Variants in MXD4 observed in about 807,000 individuals in gnomAD.
MXD4 encodes MAX dimerization protein 4, also known as Mad4 homolog.
A neutral mutation model predicts 24.5 loss-of-function variants in MXD4; 16 were observed. The observed-to-expected ratio is 0.65, with a 90% CI of 0.44 to 0.99. The LOEUF is 0.99. MXD4 is among the 50% of genes least tolerant of loss of function. The pLI is 0.00. For missense variants in MXD4, 301 were observed against 301.5 expected (o/e 1.00, Z 0.01); for synonymous variants, 164 against 134.2 (o/e 1.22, Z -1.54).
At position 2,259,057 on chromosome 4, in the gene MXD4, G is replaced by A. The variant is rs138171113; in HGVS notation, c.165-1046C>T. 7.4e-4 allele frequency: 322 copies of A among 437,128 alleles called. 1 individual carries two copies. The highest frequency in any genetic ancestry group is 5.6e-3 in the African/African-American group (275 of 49,418). 27.1% of individuals were successfully genotyped at this position (437,128 alleles called of 1,614,324 possible). On this transcript the variant is annotated intron_variant, in intron 2 of 5. Transcript: ENST00000337190. Reference sequence around the variant, plus strand: ...GGGCTCCCGGGCCTCCCAGGATGCCGCTGCACAGGTGGGCAGAGAGCTCAG... The same window carrying A: ...GGGCTCCCGGGCCTCCCAGGATGCCACTGCACAGGTGGGCAGAGAGCTCAG...
In MXD4 at chr4:2,250,532, G is replaced by A. The variant is rs1253327115; in HGVS notation, c.*12C>T. 3.2e-6 allele frequency: 5 copies of A among 1,561,156 alleles called. No homozygotes were observed. Among genetic ancestry groups the A allele is most frequent in the Non-Finnish European group, 4.3e-6 (5 of 1,154,498 alleles). On this transcript the variant is annotated 3_prime_UTR_variant, in exon 6 of 6. Coordinates refer to ENST00000337190, the MANE Select transcript of MXD4 (RefSeq NM_006454.3). Reference sequence around the variant, plus strand: ...TGGCGGGCAGGCAGGCCAAGGAGCAGAGGGCACGGGCCTACGAGAGGGCGG... The same window carrying A: ...TGGCGGGCAGGCAGGCCAAGGAGCAAAGGGCACGGGCCTACGAGAGGGCGG...
Position 2,249,527 on chromosome 4 carries a change from G to A in MXD4, c.*1017C>T, listed in dbSNP as rs932134208. Reference sequence around the variant, plus strand: ...GAGCTCATGAGAAGCCCTTTCCTAAGGTGGCTCCAGGAGCCCTAACCGGGC... The same window carrying A: ...GAGCTCATGAGAAGCCCTTTCCTAAAGTGGCTCCAGGAGCCCTAACCGGGC... On this transcript the variant is annotated 3_prime_UTR_variant, in exon 6 of 6. Coordinates refer to ENST00000337190, the MANE Select transcript of MXD4 (RefSeq NM_006454.3). 1 of 151,948 alleles carries A rather than the reference G, an allele frequency of 6.6e-6. No homozygotes were observed. Among genetic ancestry groups the A allele is most frequent in the Non-Finnish European group, 1.5e-5 (1 of 67,976 alleles). The allele number at this position is 151,948 out of a possible 1,614,324, so 9.4% of individuals were successfully genotyped here.
rs1172248173 is a variant in MXD4 at position 2,249,428 on chromosome 4, GCTTT to G, written c.*1112_*1115del. ...ACGTCCCTAGGCCGAGAGTCTTTAGGCTTTCTTCTTTTTAAAAATGGTTTTTTTT... is the reference window on the plus strand; with the variant it reads ...ACGTCCCTAGGCCGAGAGTCTTTAGGCTTCTTTTTAAAAATGGTTTTTTTT... On this transcript the variant is annotated 3_prime_UTR_variant, in exon 6 of 6. Coordinates refer to ENST00000337190, the MANE Select transcript of MXD4 (RefSeq NM_006454.3). 6.6e-6 allele frequency: 1 copy of G among 151,228 alleles called. No individual in the cohort carries two copies. Among genetic ancestry groups the G allele is most frequent in the Non-Finnish European group, 1.5e-5 (1 of 67,986 alleles). 9.4% of individuals were successfully genotyped at this position (151,228 alleles called of 1,614,324 possible). A position where few individuals can be genotyped will look rare whatever the true frequency, so the allele number is the denominator to read the frequency against.
At chr4:2,252,678 G>A (rs1228595649) in intron 3 of MXD4, 156 bp from the exon 4 acceptor site, 18 of 573,602 alleles carry the variant, frequency 3.1e-5, no homozygotes, top group African/African-American at 6.0e-5. Flanking sequence ...GGGAACCCCC[G>A]TCCCCCACCC....
chr4:2,261,868 C>T (rs1463666461), intron 1 of MXD4, 44 bp from the exon 2 acceptor site: 3 of 1,387,820 alleles, frequency 2.2e-6, no homozygotes, highest in Non-Finnish European at 2.8e-6. Flanking sequence ...CCGGCACGGC[C>T]CCGCCGCCCG....
At position 2,249,339 on chromosome 4, in the gene MXD4, GCAA is replaced by G. The variant is rs1735263377; in HGVS notation, c.*1202_*1204del. On this transcript the variant is annotated 3_prime_UTR_variant, in exon 6 of 6. Coordinates refer to ENST00000337190, the MANE Select transcript of MXD4 (RefSeq NM_006454.3). ...CTCCCACCCCTCAGCAAACAAGGAC[GCAA>G]CAACAGCTAGGAAAATAGAATACAA... The G allele has an allele frequency of 6.6e-6, 1 of 152,628 alleles. No individual in the cohort carries two copies. The highest frequency in any genetic ancestry group is 1.5e-5 in the Non-Finnish European group (1 of 68,080). The allele number at this position is 152,628 out of a possible 1,614,324, so 9.5% of individuals were successfully genotyped here.
At position 2,250,711 on chromosome 4, in the gene MXD4, A is replaced by C; in HGVS notation, c.473-10T>G. ...CCCTCTATGTCCACTTCTAGGGAGA[A>C]TAGAGTGGGGATGGGGTCAGGCCAC... On this transcript the variant is annotated splice_polypyrimidine_tract_variant and intron_variant, in intron 5 of 5. Coordinates refer to ENST00000337190, the MANE Select transcript of MXD4 (RefSeq NM_006454.3). 6.2e-7 allele frequency: 1 copy of C among 1,611,440 alleles called. No individual in the cohort carries two copies. Among genetic ancestry groups the C allele is most frequent in the Non-Finnish European group, 8.5e-7 (1 of 1,178,636 alleles).
At chr4:2,258,714 G>A (rs1210814014) in intron 2 of MXD4, among the ~76,000 whole-genome samples, 1 of 152,250 alleles carries the variant, frequency 6.6e-6, no homozygotes, top group African/African-American at 2.4e-5. Flanking sequence ...GCGTCAGCCA[G>A]GTCAGCCCAT....
chr4:2,261,864 C>T, intron 1 of MXD4, 40 bp from the exon 2 acceptor site: 2 of 1,377,482 alleles, frequency 1.5e-6, no homozygotes, highest in Non-Finnish European at 9.4e-7. Context: ...CCGCCCGGCA[C>T]GGCCCCGCCG....
At chr4:2,252,295 T>C (rs1735339004) in intron 4 of MXD4, 113 bp downstream of exon 4, 7 of 856,716 alleles carry the variant, frequency 8.2e-6, no homozygotes, top group Non-Finnish European at 1.3e-5. Flanking sequence ...CCCACCCATC[T>C]TCAGGCCCTC....
At chr4:2,261,621 G>C (rs908624743) in intron 2 of MXD4, 104 bp downstream of exon 2, 7 of 587,154 alleles carry the variant, frequency 1.2e-5, no homozygotes, top group Non-Finnish European at 1.6e-5. Context: ...GCGCGGCGGC[G>C]GCGCTGAGGG....
At chr4:2,256,136 G>A (rs929943846) in intron 3 of MXD4, among the ~76,000 whole-genome samples, 3 of 152,164 alleles carry the variant, frequency 2.0e-5, no homozygotes, top group African/African-American at 7.2e-5. Context: ...GCCATTCAGC[G>A]GCTGTCAAGG....
At chr4:2,256,950 TG>T in intron 3 of MXD4, among the ~76,000 whole-genome samples, 1 of 152,142 alleles carries the variant, frequency 6.6e-6, no homozygotes, top group Non-Finnish European at 1.5e-5. Flanking sequence ...TTCTTAGGCC[TG>T]GAACAATTCC....
At chr4:2,252,552 C>A in intron 3 of MXD4, 30 bp from the exon 4 acceptor site, 2 of 1,551,954 alleles carry the variant, frequency 1.3e-6, no homozygotes, top group Non-Finnish European at 1.8e-6. Context: ...AACCATCAGG[C>A]TGGGGTGGGG....
Position 2,250,454 on chromosome 4 carries a change from T to C in MXD4, c.*90A>G. Reference sequence around the variant, plus strand: ...TTCCAGAATGGCACAGCAGTGGGCCTGTGGAGAGGCTGGCGTCAACTGAAG... The same window carrying C: ...TTCCAGAATGGCACAGCAGTGGGCCCGTGGAGAGGCTGGCGTCAACTGAAG... On this transcript the variant is annotated 3_prime_UTR_variant, in exon 6 of 6. Transcript: ENST00000337190. 2.1e-6 allele frequency: 3 copies of C among 1,402,610 alleles called. No homozygotes were observed. The highest frequency in any genetic ancestry group is 1.4e-5 in the South Asian group (1 of 70,488). 86.9% of individuals were successfully genotyped at this position (1,402,610 alleles called of 1,614,324 possible). A position where few individuals can be genotyped will look rare whatever the true frequency, so the allele number is the denominator to read the frequency against.
intron 4 of MXD4, among the ~76,000 whole-genome samples, chr4:2,251,600 C>G (rs1735324566): frequency 6.6e-6 from 1 of 152,246 alleles, no homozygotes; most frequent in Admixed American, 6.5e-5. Context: ...CAGGACAGTC[C>G]TGCTTACAGC....
At chr4:2,259,107 C>G (rs989844485) in intron 2 of MXD4, 3 of 379,358 alleles carry the variant, frequency 7.9e-6, no homozygotes, top group African/African-American at 2.1e-5. Context: ...CCTCCAGACC[C>G]AGCCCTGAGG....
chr4:2,252,070 G>A (rs1045089663), intron 4 of MXD4, among the ~76,000 whole-genome samples: 6 of 152,056 alleles, frequency 3.9e-5, no homozygotes, highest in African/African-American at 1.4e-4. Flanking sequence ...TCCAGCAGCT[G>A]CCTCTTCACA....
At chr4:2,261,870 C>A (rs755322982) in intron 1 of MXD4, 46 bp from the exon 2 acceptor site, 2 of 1,389,238 alleles carry the variant, frequency 1.4e-6, no homozygotes, top group Non-Finnish European at 1.9e-6. Context: ...GGCACGGCCC[C>A]GCCGCCCGCC....
Sources: allele counts gnomAD v4.1 joint callset (sites outside exome capture counted in the v4.1 genomes callset), GRCh38; gene constraint gnomAD v4.1.1; transcripts MANE v1.5; gene names NCBI Gene and HGNC (gene_info 2026-07-23, HGNC 2026-07-21).